UNC80: variants seen among roughly 807,000 people sequenced by gnomAD.
The protein encoded by UNC80 is unc-80 subunit of NALCN channel complex, also known as protein unc-80 homolog.
Under a neutral mutation model 384.6 loss-of-function variants are expected in UNC80, and 164 were observed. The ratio of observed to expected loss-of-function variants is 0.43; its 90% CI spans 0.38 to 0.49. The LOEUF (loss-of-function observed/expected upper bound fraction) is 0.49, where lower values mean the gene tolerates loss of function less well. Ranked by LOEUF, UNC80 falls within the 20% of genes least tolerant of loss-of-function variation. The probability of loss-of-function intolerance (pLI) is 0.00; values close to 1 mark genes in which losing one functional copy is unlikely to be tolerated. For synonymous variants in UNC80, 1,486 were observed against 1,527.8 expected, an observed-to-expected ratio of 0.97 and a Z score of 0.64; for missense variants, 3,330 against 4,143.0, an observed-to-expected ratio of 0.80 and a Z score of 5.39.
intron 13 of UNC80, among the ~76,000 whole-genome samples, chr2:209,824,262 A>G (rs2080345969): frequency 6.6e-6 from 1 of 152,154 alleles, no homozygotes; most frequent in African/African-American, 2.4e-5. Context: ...AGCTGTCTTA[A>G]GTAGGGGTCC....
chr2:209,975,640 G>A (rs1356232343), intron 56 of UNC80, among the ~76,000 whole-genome samples: 2 of 152,032 alleles, frequency 1.3e-5, no homozygotes, highest in Non-Finnish European at 2.9e-5. Flanking sequence ...ACTTCTTCAT[G>A]GTTTTATTTT....
intron 26 of UNC80, among the ~76,000 whole-genome samples, chr2:209,893,721 A>C (rs961948194): frequency 3.3e-5 from 5 of 152,160 alleles, no homozygotes; most frequent in African/African-American, 1.2e-4. Flanking sequence ...AGAGAGAAGC[A>C]CCTTTGGTTC....
rs113855139 is a variant in UNC80, at chr2:209,929,735, G to C, written c.5807-136G>C. 1.4e-3 allele frequency: 805 copies of C among 576,762 alleles called. 3 individuals carry two copies. The African/African-American group carries it at 0.014, about 10-fold the overall frequency. The allele number at this position is 576,762 out of a possible 1,614,324, so 35.7% of individuals were successfully genotyped here. A position where few individuals can be genotyped will look rare whatever the true frequency, so the allele number is the denominator to read the frequency against. ...AACAACGAAGAGAACAAACACCTACGTTGCAAAAGAAAAAAGAGTTCACAG... is the reference window on the plus strand; with the variant it reads ...AACAACGAAGAGAACAAACACCTACCTTGCAAAAGAAAAAAGAGTTCACAG... On this transcript the variant is annotated intron_variant, in intron 36 of 64. Coordinates refer to ENST00000673920, the MANE Select transcript of UNC80 (RefSeq NM_001371986.1).
chr2:209,835,155 C>T (rs2081255630), intron 18 of UNC80, 145 bp downstream of exon 18: 2 of 603,002 alleles, frequency 3.3e-6, no homozygotes, highest in Non-Finnish European at 5.8e-6. Context: ...ATTCCCAATG[C>T]CACTAACTCT....
At chr2:209,971,068 G>C (rs1240375889) in intron 54 of UNC80, 111 bp downstream of exon 54, 1 of 1,376,128 alleles carries the variant, frequency 7.3e-7, no homozygotes, top group Non-Finnish European at 9.7e-7. Context: ...TGAAACAAAA[G>C]TGTAAACATC....
At chr2:209,933,253 A>G (rs1382503399) in intron 38 of UNC80, among the ~76,000 whole-genome samples, 2 of 152,178 alleles carry the variant, frequency 1.3e-5, no homozygotes, top group Non-Finnish European at 2.9e-5. Flanking sequence ...AAGAGCACAC[A>G]GTTTTTCAAA....
At chr2:209,933,523 A>T (rs1306026411) in intron 38 of UNC80, among the ~76,000 whole-genome samples, 1 of 125,130 alleles carries the variant, frequency 8.0e-6, no homozygotes, top group Non-Finnish European at 1.6e-5. Flanking sequence ...TGAATTTTAG[A>T]TGGCCCAAGT....
At chr2:209,949,773 C>T (rs2092076706) in intron 47 of UNC80, among the ~76,000 whole-genome samples, 1 of 148,434 alleles carries the variant, frequency 6.7e-6, no homozygotes, top group Admixed American at 6.7e-5. Flanking sequence ...CCACTGCGCC[C>T]AGCCCCCCAC....
chr2:209,977,060 G>T lies in UNC80; in HGVS notation c.8920G>T (p.Ala2974Ser). The T allele has an allele frequency of 1.3e-6, 2 of 1,521,982 alleles. No homozygotes were observed. 94.3% of individuals were successfully genotyped at this position (1,521,982 alleles called of 1,614,324 possible). ...FNSELKILKE[A>S]VHSGSAYQGK... ...CAGTGAACTAAAAATTCTAAAAGAG[G>T]CAGTTCATAGTGGATCAGGTGAGTG... The change falls in exon 58 of 65, where the codon GCA becomes TCA. Residue 2974 changes from alanine (A) to serine (S), a missense_variant. Transcript: ENST00000673920.
At chr2:209,842,754 C>T (rs374369815) in intron 21 of UNC80, among the ~76,000 whole-genome samples, 1 of 152,172 alleles carries the variant, frequency 6.6e-6, no homozygotes, top group South Asian at 2.1e-4. Flanking sequence ...ATCCTTTTAT[C>T]CACCCACCTA....
In UNC80 at chr2:209,976,257, C is replaced by T; in HGVS notation, c.8726C>T (p.Thr2909Ile). 6.4e-7 allele frequency: 1 copy of T among 1,551,650 alleles called. No individual in the cohort carries two copies. The highest frequency in any genetic ancestry group is 8.7e-7 in the Non-Finnish European group (1 of 1,146,994). ...LWDFLDFIVRTRIPIFVLLRP... is the reference protein window; with the variant it reads ...LWDFLDFIVRIRIPIFVLLRP... ...GATTTCCTCGACTTCATCGTGCGGA[C>T]CCGAATACCCATCTTTGTGCTTTTG... The change falls in exon 57 of 65, where the codon ACC (threonine) becomes ATC (isoleucine). Residue 2909 changes from threonine (T) to isoleucine (I), a missense_variant. Thr to Ile is a moderately conservative substitution (Grantham distance 89). This residue lies in a region of UNC80 where 1,049 missense variants were observed against 1,488.6 expected (regional missense o/e 0.70). Coordinates refer to ENST00000673920, the MANE Select transcript of UNC80 (RefSeq NM_001371986.1). The surrounding 1 kb of genome is among the most constrained non-coding windows in gnomAD (Gnocchi z 4.3).
At chr2:209,860,108 C>G (rs376529083) in intron 22 of UNC80, among the ~76,000 whole-genome samples, 32 of 152,068 alleles carry the variant, frequency 2.1e-4, no homozygotes, top group African/African-American at 7.5e-4. Flanking sequence ...TGTCATGAAG[C>G]CTGTGTCCTG....
At chr2:209,993,184 C>T (rs1559454540) in intron 62 of UNC80, 131 bp from the exon 63 acceptor site, 2 of 644,460 alleles carry the variant, frequency 3.1e-6, no homozygotes, top group Non-Finnish European at 5.0e-6. Context: ...GTTAAATATG[C>T]AGAAATAAAT....
At chr2:209,779,424 A>C (rs542281806) in intron 4 of UNC80, among the ~76,000 whole-genome samples, 1 of 152,318 alleles carries the variant, frequency 6.6e-6, no homozygotes, top group African/African-American at 2.4e-5. Context: ...CTCAAATGGC[A>C]ACACTTCAGA....
chr2:209,788,796 A>G (rs1364989872), intron 5 of UNC80, among the ~76,000 whole-genome samples: 1 of 151,952 alleles, frequency 6.6e-6, no homozygotes, highest in Non-Finnish European at 1.5e-5. Context: ...AAGTTAATTT[A>G]TTATTAAAGA....
chr2:209,881,358 G>A (rs1384951721), intron 25 of UNC80, among the ~76,000 whole-genome samples: 1 of 152,084 alleles, frequency 6.6e-6, no homozygotes, highest in Admixed American at 6.5e-5. Context: ...ATTATGCTGG[G>A]AATATCTAGG....
intron 47 of UNC80, among the ~76,000 whole-genome samples, chr2:209,950,731 T>A (rs1032566414): frequency 6.6e-6 from 1 of 152,158 alleles, no homozygotes; most frequent in African/African-American, 2.4e-5. Flanking sequence ...GCTAATTTTG[T>A]ACTTTTAGTA....
intron 11 of UNC80, among the ~76,000 whole-genome samples, 179 bp downstream of exon 11, chr2:209,818,131 A>G (rs1034041049): frequency 2.0e-5 from 3 of 152,168 alleles, no homozygotes; most frequent in African/African-American, 7.2e-5. Context: ...AGAACTATTT[A>G]ACACCGCACT....
intron 60 of UNC80, 49 bp from the exon 61 acceptor site, chr2:209,984,800 CTTTTTTT>C: frequency 2.6e-6 from 3 of 1,137,920 alleles, no homozygotes; most frequent in South Asian, 3.5e-5. Context: ...TTTCTTTTTT[CTTTTTTT>C]TTTTCATTTT....
Sources: gnomAD v4.1 joint callset for allele counts (sites outside exome capture counted in the v4.1 genomes callset) on GRCh38, gnomAD v4.1.1 for gene constraint, gnomAD v4.1.1 regional missense constraint, Gnocchi (gnomAD v3.1) non-coding constraint, MANE v1.5 for transcripts, NCBI Gene and HGNC (gene_info 2026-07-23, HGNC 2026-07-21) for gene names.